Variants in SH3PXD2A observed in about 807,000 individuals in gnomAD.
The protein encoded by SH3PXD2A is SH3 and PX domain-containing protein 2A.
Under a neutral mutation model 115.2 loss-of-function variants are expected in SH3PXD2A, and 32 were observed. The observed-to-expected ratio is 0.28, with a 90% CI of 0.21 to 0.37. The LOEUF is 0.37. Ranked by LOEUF, SH3PXD2A falls within the 10% of genes least tolerant of loss-of-function variation. The pLI is 1.00. For missense variants in SH3PXD2A, 1,328 were observed against 1,498.7 expected (o/e 0.89, Z 1.88); for synonymous variants, 610 against 629.1 (o/e 0.97, Z 0.45).
chr10:103,651,443 G>C (rs1404349985), intron 8 of SH3PXD2A, among the ~76,000 whole-genome samples: 4 of 152,230 alleles, frequency 2.6e-5, no homozygotes, highest in Admixed American at 2.6e-4. Flanking sequence ...CTGCTTTCCT[G>C]TGCTCTGTGG....
At chr10:103,604,299 A>T (rs1465831934) in intron 14 of SH3PXD2A, among the ~76,000 whole-genome samples, 2 of 152,220 alleles carry the variant, frequency 1.3e-5, no homozygotes, top group African/African-American at 4.8e-5. Flanking sequence ...GCCTCTCTGC[A>T]GAGCCTTTCC....
chr10:103,704,667 C>T (rs1181903046), intron 5 of SH3PXD2A, among the ~76,000 whole-genome samples: 1 of 152,244 alleles, frequency 6.6e-6, no homozygotes. Context: ...AAACGCAGGA[C>T]AAACGGGCTC....
At chr10:103,660,891 G>T in intron 8 of SH3PXD2A, 92 bp downstream of exon 8, 1 of 1,345,958 alleles carries the variant, frequency 7.4e-7, no homozygotes, top group Non-Finnish European at 1.1e-6. Flanking sequence ...ACGTATAGCT[G>T]CAGCGGTGGG....
chr10:103,724,355 C>A lies in SH3PXD2A; in HGVS notation c.313G>T (p.Val105Phe), dbSNP rs2038216409. The A allele has an allele frequency of 1.9e-6, 3 of 1,576,790 alleles. No individual in the cohort carries two copies. Among genetic ancestry groups the A allele is most frequent in the African/African-American group, 1.4e-5 (1 of 72,240 alleles). ...KPIDEYCRAL[V>F]RLPPHISQCD... Reference sequence around the variant, plus strand: ...TGTGAGATGTGGGGGGGCAGCCGGACAAGTGCCTGTGGAGAGACAGGAAGA... The same window carrying A: ...TGTGAGATGTGGGGGGGCAGCCGGAAAAGTGCCTGTGGAGAGACAGGAAGA... Residue 105 changes from valine to phenylalanine, a missense_variant, in exon 5 of 15, where the codon GTC (valine) becomes TTC (phenylalanine). Physicochemically the swap from Val to Phe is conservative, Grantham distance 50 (BLOSUM62 -1). Around this residue, in one of 5 missense-constraint regions of SH3PXD2A, gnomAD observed 110 missense variants for 160.0 expected, o/e 0.69. Transcript: ENST00000369774.
intron 5 of SH3PXD2A, among the ~76,000 whole-genome samples, chr10:103,710,966 T>C (rs1330066261): frequency 6.6e-6 from 1 of 152,098 alleles, no homozygotes; most frequent in Admixed American, 6.5e-5. Context: ...AGCCCAGCAG[T>C]TTGAAGCTAC....
intron 8 of SH3PXD2A, among the ~76,000 whole-genome samples, chr10:103,651,741 A>T (rs958047412): frequency 6.6e-6 from 1 of 152,178 alleles, no homozygotes; most frequent in Non-Finnish European, 1.5e-5. Context: ...TCAGAAAGAG[A>T]TCACCTTTAA....
At chr10:103,763,275 A>G (rs995036420) in intron 3 of SH3PXD2A, among the ~76,000 whole-genome samples, 29 of 152,226 alleles carry the variant, frequency 1.9e-4, no homozygotes, top group Non-Finnish European at 1.5e-5. Context: ...GGGCCAAAGC[A>G]AATCAGCTGG....
At chr10:103,799,360 G>A (rs920429940) in intron 2 of SH3PXD2A, among the ~76,000 whole-genome samples, 3 of 152,270 alleles carry the variant, frequency 2.0e-5, no homozygotes, top group Admixed American at 1.3e-4. Flanking sequence ...AAGATGCTAT[G>A]CTTGGCTCAT....
intron 3 of SH3PXD2A, among the ~76,000 whole-genome samples, chr10:103,740,427 A>G (rs945367324): frequency 2.0e-5 from 3 of 152,068 alleles, no homozygotes; most frequent in Non-Finnish European, 4.4e-5. Context: ...CCCCAAACCA[A>G]CCACAGCCTC....
At position 103,599,729 on chromosome 10, in the gene SH3PXD2A, T is replaced by C. The variant is rs1322995623; in HGVS notation, c.*2087A>G. On this transcript the variant is annotated 3_prime_UTR_variant, in exon 15 of 15. Coordinates refer to ENST00000369774, the MANE Select transcript of SH3PXD2A (RefSeq NM_001394015.1). ...TTATTGTTCAAATAAGTACAAATAA[T>C]ATTAACATGAAGACACTAAACCACT... 1 of 152,646 alleles carries C rather than the reference T, an allele frequency of 6.6e-6. No individual in the cohort carries two copies. Among genetic ancestry groups the C allele is most frequent in the Admixed American group, 6.5e-5 (1 of 15,286 alleles). 9.5% of individuals were successfully genotyped at this position (152,646 alleles called of 1,614,324 possible).
intron 5 of SH3PXD2A, among the ~76,000 whole-genome samples, chr10:103,703,993 A>G (rs754025559): frequency 6.6e-6 from 1 of 152,142 alleles, no homozygotes; most frequent in Non-Finnish European, 1.5e-5. Context: ...ACCTAATTGG[A>G]TTGCTGGGGG....
At position 103,829,633 on chromosome 10, in the gene SH3PXD2A, C is replaced by T. The variant is rs562333915; in HGVS notation, c.72+25562G>A. 2.6e-5 allele frequency among the ~76,000 whole-genome samples: 4 copies of T among 152,296 alleles called. No individual in the cohort carries two copies. The East Asian group carries it at 5.8e-4, about 22-fold the overall frequency. On this transcript the variant is annotated intron_variant, in intron 1 of 14. Coordinates refer to ENST00000369774, the MANE Select transcript of SH3PXD2A (RefSeq NM_001394015.1). ...GGGAGGCAGGAAAGGGCAGAAAGACCGTGATGCCGCCTGTGCAGAGTTTAT... is the reference window on the plus strand; with the variant it reads ...GGGAGGCAGGAAAGGGCAGAAAGACTGTGATGCCGCCTGTGCAGAGTTTAT...
At position 103,599,682 on chromosome 10, in the gene SH3PXD2A, AT is replaced by A. The variant is rs1457543021; in HGVS notation, c.*2133del. ...TTATTTAAAGTGCATTAATTAAAAA[AT>A]AATGAACCACTTCTTTATCATTATT... is the stretch of plus-strand genomic sequence containing the variant. On this transcript the variant is annotated 3_prime_UTR_variant, in exon 15 of 15. Transcript: ENST00000369774. 6.5e-5 allele frequency: 10 copies of A among 152,676 alleles called. 1 individual carries two copies. The highest frequency in any genetic ancestry group is 1.3e-4 in the Non-Finnish European group (9 of 68,052). 9.5% of individuals were successfully genotyped at this position (152,676 alleles called of 1,614,324 possible).
chr10:103,750,638 C>T (rs1248312449), intron 3 of SH3PXD2A, among the ~76,000 whole-genome samples: 1 of 152,150 alleles, frequency 6.6e-6, no homozygotes. Flanking sequence ...ACCTTCCAGA[C>T]CTGGGGAGGC....
Position 103,616,364 on chromosome 10 carries a change from T to A in SH3PXD2A, c.920+833A>T, listed in dbSNP as rs181587280. 1.4e-3 allele frequency among the ~76,000 whole-genome samples: 212 copies of A among 152,192 alleles called. 1 individual carries two copies. Among genetic ancestry groups the A allele is most frequent in the African/African-American group, 5.0e-3 (206 of 41,512 alleles). ...CAGAGAAGAGAGAAGGTGGGCAAAGTCATCACAGCTGAGCCAGTTCCAAGG... is the reference window on the plus strand; with the variant it reads ...CAGAGAAGAGAGAAGGTGGGCAAAGACATCACAGCTGAGCCAGTTCCAAGG... On this transcript the variant is annotated intron_variant, in intron 11 of 14. Transcript: ENST00000369774.
Position 103,613,046 on chromosome 10 carries a change from C to A in SH3PXD2A, c.1065G>T (p.Ala355=), listed in dbSNP as rs575569128. The A allele has an allele frequency of 8.7e-6, 14 of 1,614,264 alleles. No homozygotes were observed. The highest frequency in any genetic ancestry group is 2.2e-5 in the East Asian group (1 of 44,882). Residue 355 remains alanine, a synonymous_variant, in exon 12 of 15, where the codon GCG becomes GCT. Transcript: ENST00000369774. ...MEISNLLNKK[A]SGDKETPPAE... ...CTGGTGGAGTTTCCTTGTCCCCAGA[C>A]GCCTTCTTGTTCAGCAGGTTGCTGA...
intron 3 of SH3PXD2A, among the ~76,000 whole-genome samples, chr10:103,751,232 AG>A (rs1309520372): frequency 6.6e-6 from 1 of 152,248 alleles, no homozygotes; most frequent in Non-Finnish European, 1.5e-5. Context: ...GTAGACTACA[AG>A]ATAGATAGGT....
At chr10:103,838,731 T>C (rs1297131729) in intron 1 of SH3PXD2A, among the ~76,000 whole-genome samples, 2 of 152,158 alleles carry the variant, frequency 1.3e-5, no homozygotes, top group Non-Finnish European at 2.9e-5. Context: ...AAGTGGGGGA[T>C]CTTTACCAGG....
intron 4 of SH3PXD2A, among the ~76,000 whole-genome samples, chr10:103,734,703 G>A (rs1206477373): frequency 6.6e-6 from 1 of 152,080 alleles, no homozygotes; most frequent in Non-Finnish European, 1.5e-5. Context: ...GAGCCAAGAT[G>A]GTGCCACTGC....
Sources: gnomAD v4.1 joint callset for allele counts (sites outside exome capture counted in the v4.1 genomes callset) on GRCh38, gnomAD v4.1.1 for gene constraint, gnomAD v4.1.1 regional missense constraint, MANE v1.5 for transcripts, NCBI Gene and HGNC (gene_info 2026-07-23, HGNC 2026-07-21) for gene names.